LRRC37A2: variants seen among roughly 807,000 people sequenced by gnomAD.
LRRC37A2 encodes leucine-rich repeat-containing protein 37A2.
Under a neutral mutation model 68.8 loss-of-function variants are expected in LRRC37A2, and 9 were observed. That is an observed-to-expected ratio of 0.13 (90% CI 0.08 to 0.23). The LOEUF (loss-of-function observed/expected upper bound fraction) is 0.23, where lower values mean the gene tolerates loss of function less well. Ranked by LOEUF, LRRC37A2 falls within the 10% of genes least tolerant of loss-of-function variation. LRRC37A2 has a pLI of 1.00. For synonymous variants in LRRC37A2, 63 were observed against 367.6 expected (o/e 0.17, Z 9.48); for missense variants, 168 against 950.4 (o/e 0.18, Z 10.82).
chr17:47,030,391 C>G, the LRRC37A2 span, among the ~76,000 whole-genome samples: 1 of 143,114 alleles, frequency 7.0e-6, no homozygotes, highest in Middle Eastern at 3.4e-3. Context: ...ATGTGGGGAT[C>G]TGTACGGCAG....
At chr17:46,938,596 C>T in the LRRC37A2 span, 1 of 1,613,820 alleles carries the variant, frequency 6.2e-7, no homozygotes, top group African/African-American at 1.3e-5. Context: ...TCTTCTGCCC[C>T]AGGGGACTCA....
At chr17:46,779,288 C>T in the LRRC37A2 span, among the ~76,000 whole-genome samples, 1 of 152,198 alleles carries the variant, frequency 6.6e-6, no homozygotes, top group African/African-American at 2.4e-5. Flanking sequence ...GAAGTTCCTA[C>T]GTTTAGGATC....
the LRRC37A2 span, among the ~76,000 whole-genome samples, chr17:46,721,429 C>G: frequency 6.6e-6 from 1 of 152,162 alleles, no homozygotes; most frequent in African/African-American, 2.4e-5. Flanking sequence ...CTTTAGCCTT[C>G]TCTTTCAGAC....
the LRRC37A2 span, among the ~76,000 whole-genome samples, chr17:46,739,138 G>A: frequency 2.0e-5 from 3 of 152,230 alleles, no homozygotes; most frequent in African/African-American, 4.8e-5. Context: ...GGGAGGCCAA[G>A]GTAGGTGGAT....
the LRRC37A2 span, among the ~76,000 whole-genome samples, chr17:46,870,105 G>C: frequency 6.6e-6 from 1 of 152,180 alleles, no homozygotes; most frequent in Admixed American, 6.5e-5. Flanking sequence ...GGCAGGTCTT[G>C]AAGGATATGC....
At chr17:46,751,509 G>T in the LRRC37A2 span, 1 of 1,613,226 alleles carries the variant, frequency 6.2e-7, no homozygotes, top group Non-Finnish European at 8.5e-7. Flanking sequence ...GTAGCTTTTG[G>T]GCAACTTCAA....
chr17:46,554,369 G>A (rs1169026731), intron 12 of LRRC37A2: 1 of 63,636 alleles, frequency 1.6e-5, no homozygotes, highest in African/African-American at 1.3e-4. Context: ...GCAGGTTGCA[G>A]GGAGCCAAGA....
intron 11 of LRRC37A2, among the ~76,000 whole-genome samples, chr17:46,551,207 T>C (rs879866832): frequency 3.4e-4 from 51 of 149,190 alleles, no homozygotes; most frequent in South Asian, 2.1e-3. Context: ...TCAACTTACC[T>C]AAAGCCTACA....
the LRRC37A2 span, chr17:46,931,291 C>G: frequency 1.0e-5 from 8 of 782,816 alleles, no homozygotes; most frequent in East Asian, 2.0e-4. Context: ...ATAGAATATT[C>G]TGAAAACCAA....
chr17:46,918,770 C>G, the LRRC37A2 span, among the ~76,000 whole-genome samples: 1 of 152,296 alleles, frequency 6.6e-6, no homozygotes, highest in South Asian at 2.1e-4. Flanking sequence ...CTGACTTGGC[C>G]ACAAGCTACC....
the LRRC37A2 span, among the ~76,000 whole-genome samples, chr17:46,897,233 C>T: frequency 2.6e-5 from 4 of 152,180 alleles, no homozygotes; most frequent in Admixed American, 2.0e-4. Flanking sequence ...TTCCAGAAGG[C>T]GGCCAGCACC....
At chr17:46,601,893 A>AG in the LRRC37A2 span, among the ~76,000 whole-genome samples, 2 of 148,872 alleles carry the variant, frequency 1.3e-5, no homozygotes, top group Non-Finnish European at 2.9e-5. Context: ...AAAAAAAAAA[A>AG]GACACTTTGG....
chr17:46,980,307 T>C, the LRRC37A2 span, among the ~76,000 whole-genome samples: 2 of 152,070 alleles, frequency 1.3e-5, no homozygotes, highest in African/African-American at 4.8e-5. Flanking sequence ...GTCTGAGTTT[T>C]TCTTTCCTTC....
the LRRC37A2 span, among the ~76,000 whole-genome samples, chr17:46,988,043 A>G: frequency 6.6e-6 from 1 of 152,122 alleles, no homozygotes; most frequent in African/African-American, 2.4e-5. Context: ...ATGGTGGCAC[A>G]CGCCTATAGT....
At chr17:46,881,251 CA>C in the LRRC37A2 span, among the ~76,000 whole-genome samples, 1 of 152,244 alleles carries the variant, frequency 6.6e-6, no homozygotes, top group Non-Finnish European at 1.5e-5. Context: ...GAGGTGGGCC[CA>C]CAGTCCAGCC....
the LRRC37A2 span, among the ~76,000 whole-genome samples, chr17:46,823,254 G>C: frequency 1.2e-3 from 174 of 141,122 alleles, no homozygotes; most frequent in African/African-American, 4.6e-3. Flanking sequence ...CATTCTTGTT[G>C]CCCAGGCTGT....
chr17:46,533,788 C>T (rs2054110013), intron 6 of LRRC37A2, among the ~76,000 whole-genome samples: 1 of 93,704 alleles, frequency 1.1e-5, no homozygotes, highest in Non-Finnish European at 1.9e-5. Flanking sequence ...AGGCCTGAGC[C>T]ACTGCGCCCA....
At chr17:46,952,040 G>T in the LRRC37A2 span, among the ~76,000 whole-genome samples, 1 of 152,184 alleles carries the variant, frequency 6.6e-6, no homozygotes, top group Non-Finnish European at 1.5e-5. Context: ...ATCAGGGAGA[G>T]GGGGAGATTC....
chr17:46,880,583 C>A, the LRRC37A2 span, among the ~76,000 whole-genome samples: 2 of 152,162 alleles, frequency 1.3e-5, no homozygotes, highest in Admixed American at 6.5e-5. Context: ...CAATTTATTG[C>A]AATAACTTTG....
Sources: allele counts gnomAD v4.1 joint callset (sites outside exome capture counted in the v4.1 genomes callset), GRCh38; gene constraint gnomAD v4.1.1; transcripts MANE v1.5; gene names NCBI Gene and HGNC (gene_info 2026-07-23, HGNC 2026-07-21).